Variants in PWWP4 observed in about 807,000 individuals in gnomAD.
PWWP4 encodes PWWP domain containing 4.
chrX:153,272,875 C>T (rs1288054213), exon 1 of PWWP4, among the ~76,000 whole-genome samples: 1 of 114,156 alleles, frequency 8.8e-6, no homozygotes, highest in Non-Finnish European at 1.9e-5. Flanking sequence ...AGGTGCCCTG[C>T]GTGGAGACAG....
At chrX:153,272,696 C>G (rs1476750402) in exon 1 of PWWP4, among the ~76,000 whole-genome samples, 4 of 112,986 alleles carry the variant, frequency 3.5e-5, no homozygotes, top group African/African-American at 1.3e-4. Context: ...GCCATTGCCC[C>G]TACTCCAGGT....
exon 1 of PWWP4, among the ~76,000 whole-genome samples, chrX:153,272,868 T>A (rs1321297670): frequency 4.2e-3 from 472 of 112,723 alleles, no homozygotes; most frequent in African/African-American, 0.014. Context: ...CTACTCCAGG[T>A]GCCCTGCGTG....
At chrX:153,270,817 A>G (rs2051803749), upstream of PWWP4, among the ~76,000 whole-genome samples, 1 of 64,053 alleles carries the variant, frequency 1.6e-5, no homozygotes, top group Non-Finnish European at 2.9e-5. Context: ...TTTCAGGATA[A>G]GAGTCACTGA....
chrX:153,266,618 G>A (rs1304838060), upstream of PWWP4, among the ~76,000 whole-genome samples: 3 of 107,856 alleles, frequency 2.8e-5, no homozygotes, highest in Non-Finnish European at 5.7e-5. Context: ...ACTGTCCTGA[G>A]GTGACACCTG....
upstream of PWWP4, among the ~76,000 whole-genome samples, chrX:153,267,020 CG>C (rs1382775978): frequency 3.3e-5 from 2 of 60,912 alleles, no homozygotes; most frequent in African/African-American, 1.6e-4. Flanking sequence ...TTCACCAGGG[CG>C]GGCCATTGTG....
At chrX:153,266,427 A>G in the PWWP4 span, among the ~76,000 whole-genome samples, 11 of 74,926 alleles carry the variant, frequency 1.5e-4, no homozygotes, top group Non-Finnish European at 2.0e-4. Flanking sequence ...GTGTGTGTGG[A>G]TGTGTGTGGA....
chrX:153,266,387 G>A, the PWWP4 span, among the ~76,000 whole-genome samples: 12 of 100,788 alleles, frequency 1.2e-4, no homozygotes, highest in South Asian at 8.0e-4. Context: ...GTGTGCGCGC[G>A]TGTGTGTGGA....
At chrX:153,271,550 C>A (rs1221018626), upstream of PWWP4, among the ~76,000 whole-genome samples, 19 of 108,278 alleles carry the variant, frequency 1.8e-4, no homozygotes, top group Non-Finnish European at 3.0e-4. Context: ...TTAGGAGAGA[C>A]CTACGGTAGC....
At chrX:153,266,532 G>C in the PWWP4 span, among the ~76,000 whole-genome samples, 2 of 108,167 alleles carry the variant, frequency 1.8e-5, no homozygotes, top group African/African-American at 6.9e-5. Context: ...TGTGTGTATG[G>C]ATGTGTGTGT....
chrX:153,266,498 T>A, the PWWP4 span, among the ~76,000 whole-genome samples: 1 of 104,144 alleles, frequency 9.6e-6, no homozygotes, highest in Admixed American at 1.1e-4. Context: ...TGTGTGTGTG[T>A]GAGGATGTGT....
the PWWP4 span, among the ~76,000 whole-genome samples, chrX:153,266,485 G>A: frequency 1.0e-5 from 1 of 100,318 alleles, no homozygotes; most frequent in South Asian, 4.2e-4. Context: ...GTGTGTGTGA[G>A]GATGTGTGTG....
At chrX:153,266,246 G>A in the PWWP4 span, among the ~76,000 whole-genome samples, 1 of 94,809 alleles carries the variant, frequency 1.1e-5, no homozygotes, top group African/African-American at 4.2e-5. Flanking sequence ...GTCTGCTATC[G>A]ATGTGACTGT....
At chrX:153,276,406 C>T (rs1205548409) in exon 1 of PWWP4, among the ~76,000 whole-genome samples, 5 of 82,428 alleles carry the variant, frequency 6.1e-5, no homozygotes, top group Non-Finnish European at 9.7e-5. Flanking sequence ...GACGCTTTCG[C>T]GGCATGTTTG....
At chrX:153,270,043 C>T (rs1349148183), upstream of PWWP4, among the ~76,000 whole-genome samples, 1,309 of 104,938 alleles carry the variant, frequency 0.012, 152 homozygotes, top group African/African-American at 0.046. Flanking sequence ...TGTCCTTTCA[C>T]ATGTCTGTCT....
the PWWP4 span, among the ~76,000 whole-genome samples, chrX:153,266,344 T>G: frequency 2.0e-5 from 2 of 102,018 alleles, no homozygotes; most frequent in African/African-American, 3.8e-5. Flanking sequence ...TGTGGGTGTG[T>G]GTGTGAGGAT....
chrX:153,271,496 C>A (rs1351004299), upstream of PWWP4, among the ~76,000 whole-genome samples: 25 of 108,176 alleles, frequency 2.3e-4, no homozygotes, highest in African/African-American at 8.9e-4. Context: ...ACTGCACCCC[C>A]TTTGCAGTCT....
exon 1 of PWWP4, among the ~76,000 whole-genome samples, chrX:153,276,053 C>A (rs1372826923): frequency 4.0e-5 from 4 of 99,951 alleles, no homozygotes; most frequent in African/African-American, 1.5e-4. Flanking sequence ...TTTCACACAG[C>A]CATTGCACCT....
exon 1 of PWWP4, among the ~76,000 whole-genome samples, chrX:153,272,955 C>T (rs1177874417): frequency 1.0e-4 from 11 of 106,329 alleles, no homozygotes; most frequent in Non-Finnish European, 1.9e-4. Flanking sequence ...GGGCCCGCAG[C>T]GCCATTGCTT....
At chrX:153,276,245 G>A (rs2051827371) in exon 1 of PWWP4, among the ~76,000 whole-genome samples, 1 of 89,811 alleles carries the variant, frequency 1.1e-5, no homozygotes, top group African/African-American at 4.3e-5. Context: ...AGTGTCCTGC[G>A]CAGTGACAGC....
Sources: allele counts gnomAD v4.1 joint callset (sites outside exome capture counted in the v4.1 genomes callset), GRCh38; gene constraint gnomAD v4.1.1; transcripts MANE v1.5; gene names NCBI Gene and HGNC (gene_info 2026-07-23, HGNC 2026-07-21).